Variants in VAMP4 observed in about 807,000 individuals in gnomAD.
VAMP4 encodes the protein vesicle associated membrane protein 4, also known as vesicle-associated membrane protein 4.
Under a neutral mutation model 23.5 loss-of-function variants are expected in VAMP4, and 19 were observed. The ratio of observed to expected loss-of-function variants is 0.81; its 90% CI spans 0.56 to 1.19. The LOEUF (loss-of-function observed/expected upper bound fraction) is 1.19, where lower values mean the gene tolerates loss of function less well. Ranked by LOEUF, VAMP4 falls within the 50% of genes most tolerant of loss-of-function variation. The pLI, the probability that VAMP4 is intolerant of heterozygous loss-of-function variation, is 0.00. For synonymous variants in VAMP4, 31 were observed against 51.0 expected (o/e 0.61, Z 1.67); for missense variants, 145 against 168.6 (o/e 0.86, Z 0.78).
chr1:171,708,340 A>C (rs1298974917), intron 6 of VAMP4, among the ~76,000 whole-genome samples: 10 of 137,666 alleles, frequency 7.3e-5, no homozygotes, highest in African/African-American at 2.4e-4. Context: ...AGTGCCACAA[A>C]AAAAAAAAAA....
Position 171,700,706 on chromosome 1 carries a change from T to TAAC in VAMP4, c.*3797_*3799dup, listed in dbSNP as rs755680455. ...GTGGAGTCACCTCTCACTGATATAC[T>TAAC]AACATGTGGCATCTTTGTGGCTTCA... On this transcript the variant is annotated 3_prime_UTR_variant, in exon 8 of 8. Transcript: ENST00000236192. 2.0e-5 allele frequency: 3 copies of TAAC among 152,262 alleles called. No homozygotes were observed. The highest frequency in any genetic ancestry group is 2.9e-5 in the Non-Finnish European group (2 of 68,086). 9.4% of individuals were successfully genotyped at this position (152,262 alleles called of 1,614,324 possible).
rs367839956 is a variant in VAMP4 at position 171,735,968 on chromosome 1, C to A, written c.66+2381G>T. On this transcript the variant is annotated intron_variant, in intron 2 of 7. Coordinates refer to ENST00000236192, the MANE Select transcript of VAMP4 (RefSeq NM_003762.5). ...ATGGCACAATCTCGGCTCACTGCAA[C>A]CTCTGCCTCCCAGATTCAAGCAATT... Among the ~76,000 whole-genome samples, 47 of 152,254 alleles carry A rather than the reference C, an allele frequency of 3.1e-4. No individual in the cohort carries two copies. The East Asian group carries it at 8.1e-3, about 26-fold the overall frequency.
chr1:171,704,627 T>C (rs369958626), intron 7 of VAMP4, 93 bp from the exon 8 acceptor site: 2 of 989,654 alleles, frequency 2.0e-6, no homozygotes, highest in East Asian at 3.0e-5. Flanking sequence ...GTGTCTACTT[T>C]TAGAAATGGG....
At chr1:171,728,472 G>C (rs2124862027) in intron 3 of VAMP4, 52 bp downstream of exon 3, 1 of 1,397,932 alleles carries the variant, frequency 7.2e-7, no homozygotes, top group East Asian at 2.5e-5. Flanking sequence ...TTAGATATAT[G>C]CATGTATTGT....
chr1:171,722,060 T>C (rs919239004), intron 3 of VAMP4, among the ~76,000 whole-genome samples: 1 of 152,100 alleles, frequency 6.6e-6, no homozygotes, highest in South Asian at 2.1e-4. Flanking sequence ...AACAGAGATA[T>C]AGACCAATGG....
chr1:171,703,503 T>C lies in VAMP4; in HGVS notation c.*1003A>G, dbSNP rs1654542760. ...TTCCTGACTTTCTACTACTCATTAC[T>C]GTTGGCTGATGCAAAATTTGATTGT... On this transcript the variant is annotated 3_prime_UTR_variant, in exon 8 of 8. Transcript: ENST00000236192. 1 of 143,746 alleles carries C rather than the reference T, an allele frequency of 7.0e-6. No homozygotes were observed. Among genetic ancestry groups the C allele is most frequent in the Non-Finnish European group, 1.5e-5 (1 of 65,810 alleles). The allele number at this position is 143,746 out of a possible 1,614,324, so 8.9% of individuals were successfully genotyped here.
chr1:171,738,485 A>G, intron 1 of VAMP4, 22 bp from the exon 2 acceptor site: 1 of 1,501,878 alleles, frequency 6.7e-7, no homozygotes, highest in Non-Finnish European at 9.2e-7. Flanking sequence ...AATAAATTTC[A>G]TCAGATTTGA....
intron 4 of VAMP4, among the ~76,000 whole-genome samples, chr1:171,716,955 C>T (rs1655039520): frequency 6.6e-6 from 1 of 152,152 alleles, no homozygotes. Context: ...CCTTACTATT[C>T]TAAAATTCTG....
intron 3 of VAMP4, among the ~76,000 whole-genome samples, chr1:171,722,005 T>C (rs1219261119): frequency 6.6e-6 from 1 of 152,140 alleles, no homozygotes; most frequent in African/African-American, 2.4e-5. Flanking sequence ...CTTCAAACTA[T>C]ACTACAAGGC....
At position 171,701,618 on chromosome 1, in the gene VAMP4, CA is replaced by C. The variant is rs1654437052; in HGVS notation, c.*2887del. Reference sequence around the variant, plus strand: ...TTTCCTAATACAGACTATTGAAATGCACAGAAAGACTACAATAGGCAATCTA... The same window carrying C: ...TTTCCTAATACAGACTATTGAAATGCCAGAAAGACTACAATAGGCAATCTA... On this transcript the variant is annotated 3_prime_UTR_variant, in exon 8 of 8. Coordinates refer to ENST00000236192, the MANE Select transcript of VAMP4 (RefSeq NM_003762.5). The C allele has an allele frequency of 6.6e-6, 1 of 152,106 alleles. No individual in the cohort carries two copies. Among genetic ancestry groups the C allele is most frequent in the Non-Finnish European group, 1.5e-5 (1 of 67,986 alleles). The allele number at this position is 152,106 out of a possible 1,614,324, so 9.4% of individuals were successfully genotyped here.
intron 4 of VAMP4, among the ~76,000 whole-genome samples, chr1:171,714,168 C>T (rs1184195094): frequency 6.6e-6 from 1 of 152,138 alleles, no homozygotes; most frequent in African/African-American, 2.4e-5. Context: ...CTACCCAGAA[C>T]ACAATTTTTG....
chr1:171,722,885 C>T (rs1655240731), intron 3 of VAMP4, among the ~76,000 whole-genome samples: 1 of 152,038 alleles, frequency 6.6e-6, no homozygotes, highest in South Asian at 2.1e-4. Flanking sequence ...TACCATTTGA[C>T]CCAGCCATCC....
intron 3 of VAMP4, among the ~76,000 whole-genome samples, chr1:171,721,239 A>G (rs560131579): frequency 6.8e-4 from 103 of 152,238 alleles, no homozygotes; most frequent in African/African-American, 2.2e-3. Flanking sequence ...CCTAAAGGAG[A>G]TCAGGAACAA....
At chr1:171,724,824 TAA>T (rs1277813444) in intron 3 of VAMP4, among the ~76,000 whole-genome samples, 1 of 152,140 alleles carries the variant, frequency 6.6e-6, no homozygotes, top group Admixed American at 6.5e-5. Context: ...CAACTTACTA[TAA>T]AGTCGTAGTA....
rs1268793208 is a variant in VAMP4, at chr1:171,703,480, CCTGA to C, written c.*1022_*1025del. The C allele has an allele frequency of 9.8e-6, 1 of 101,922 alleles. No individual in the cohort carries two copies. Among genetic ancestry groups the C allele is most frequent in the East Asian group, 3.4e-4 (1 of 2,910 alleles). The allele number at this position is 101,922 out of a possible 1,614,324, so 6.3% of individuals were successfully genotyped here. The stretch of plus-strand genomic sequence containing the variant: ...ATATATATATATATACACATAGGTT[CCTGA>C]CTTTCTACTACTCATTACTGTTGGC... On this transcript the variant is annotated 3_prime_UTR_variant, in exon 8 of 8. Coordinates refer to ENST00000236192, the MANE Select transcript of VAMP4 (RefSeq NM_003762.5).
At position 171,709,705 on chromosome 1, in the gene VAMP4, G is replaced by T. The variant is rs1021254914; in HGVS notation, c.305C>A (p.Ser102Tyr). The change falls in exon 6 of 8, where the codon TCC (serine) becomes TAC (tyrosine). Residue 102 changes from serine to tyrosine, a missense_variant. By Grantham distance (144) the Ser-to-Tyr change is moderately radical. Transcript: ENST00000236192. ...CCACATTTGCCTTCGAAGTTGTTTG[G>T]ATCTGTTGCTAAAAGCTGTTGCATT... is the stretch of plus-strand genomic sequence containing the variant. ...SDNATAFSNR[S>Y]KQLRRQMWWR... 1.2e-6 allele frequency: 2 copies of T among 1,613,202 alleles called. No homozygotes were observed. Among genetic ancestry groups the T allele is most frequent in the South Asian group, 1.1e-5 (1 of 91,062 alleles).
intron 3 of VAMP4, among the ~76,000 whole-genome samples, chr1:171,721,834 G>A (rs1655203306): frequency 6.6e-6 from 1 of 152,136 alleles, no homozygotes; most frequent in African/African-American, 2.4e-5. Context: ...ACTGCCCAAG[G>A]TAATTTATAG....
intron 5 of VAMP4, 109 bp from the exon 6 acceptor site, chr1:171,709,853 C>T (rs1402317438): frequency 2.5e-5 from 21 of 843,758 alleles, no homozygotes; most frequent in Non-Finnish European, 3.7e-5. Context: ...AAATTTATTC[C>T]CTTTTAAGCA....
intron 1 of VAMP4, among the ~76,000 whole-genome samples, chr1:171,739,997 T>G (rs775056570): frequency 2.0e-5 from 3 of 152,256 alleles, no homozygotes; most frequent in Non-Finnish European, 4.4e-5. Context: ...CAATTCAGGA[T>G]AGCTCAGAAA....
Sources: allele counts gnomAD v4.1 joint callset (sites outside exome capture counted in the v4.1 genomes callset), GRCh38; gene constraint gnomAD v4.1.1; transcripts MANE v1.5; gene names NCBI Gene and HGNC (gene_info 2026-07-23, HGNC 2026-07-21).